PPM1L: variants seen among roughly 807,000 people sequenced by gnomAD.
PPM1L encodes protein phosphatase 1L.
PPM1L carries 13 observed loss-of-function variants against 31.4 expected under a neutral mutation model. The observed-to-expected ratio is 0.41, with a 90% CI of 0.27 to 0.66. The LOEUF (loss-of-function observed/expected upper bound fraction) is 0.66, where lower values mean the gene tolerates loss of function less well. Among genes scored for constraint, PPM1L ranks in the 30% least tolerant of loss-of-function variants. The probability of loss-of-function intolerance (pLI) is 0.29; values close to 1 mark genes in which losing one functional copy is unlikely to be tolerated. For missense variants in PPM1L, 326 were observed against 453.7 expected (o/e 0.72, Z 2.56); for synonymous variants, 184 against 175.4 (o/e 1.05, Z -0.39).
intron 1 of PPM1L, among the ~76,000 whole-genome samples, chr3:160,955,631 G>A (rs1182442435): frequency 6.7e-6 from 1 of 149,766 alleles, no homozygotes; most frequent in Non-Finnish European, 1.5e-5. Context: ...CAATAAATTA[G>A]AATTGGCTGG....
At chr3:160,826,678 G>C (rs1185675495) in intron 1 of PPM1L, among the ~76,000 whole-genome samples, 3 of 151,956 alleles carry the variant, frequency 2.0e-5, no homozygotes, top group African/African-American at 7.2e-5. Flanking sequence ...ACCACTGTCT[G>C]GTTTTTCTTA....
intron 1 of PPM1L, among the ~76,000 whole-genome samples, chr3:160,841,171 CT>C (rs958449433): frequency 3.8e-4 from 55 of 145,896 alleles, no homozygotes; most frequent in South Asian, 1.1e-3. Context: ...GAGTCCAAGA[CT>C]TTTTTTTTTT....
chr3:160,897,384 G>C (rs553582703), intron 1 of PPM1L, among the ~76,000 whole-genome samples: 2 of 152,202 alleles, frequency 1.3e-5, no homozygotes, highest in South Asian at 4.2e-4. Context: ...TGATGACATT[G>C]CTCCTGATGT....
chr3:160,965,877 A>G (rs1716126031), intron 2 of PPM1L, among the ~76,000 whole-genome samples: 1 of 152,118 alleles, frequency 6.6e-6, no homozygotes, highest in East Asian at 1.9e-4. Context: ...CTTAATGACA[A>G]TTACTGCTAT....
At chr3:160,997,543 TTAAG>T (rs546021989) in intron 2 of PPM1L, among the ~76,000 whole-genome samples, 350 of 152,288 alleles carry the variant, frequency 2.3e-3, no homozygotes, top group African/African-American at 8.3e-3. Context: ...GTATAGTTAT[TTAAG>T]TATGTCATAA....
At chr3:160,997,532 G>T (rs779728572) in intron 2 of PPM1L, among the ~76,000 whole-genome samples, 4 of 152,106 alleles carry the variant, frequency 2.6e-5, no homozygotes, top group Admixed American at 2.0e-4. Context: ...ACGAGACTCA[G>T]GTATAGTTAT....
chr3:161,072,366 A>G lies in PPM1L; in HGVS notation c.*3209A>G, dbSNP rs188055486. On this transcript the variant is annotated 3_prime_UTR_variant, in exon 4 of 4. Transcript: ENST00000498165. ...TTTATTCCTTGCTGTGGACTGAGGT[A>G]TTGGCTTCTTGAATCTTGTATATGT... 6.6e-6 allele frequency: 1 copy of G among 152,222 alleles called. No homozygotes were observed. The highest frequency in any genetic ancestry group is 2.1e-4 in the South Asian group (1 of 4,832). The allele number at this position is 152,222 out of a possible 1,614,324, so 9.4% of individuals were successfully genotyped here. A position where few individuals can be genotyped will look rare whatever the true frequency, so the allele number is the denominator to read the frequency against.
At chr3:160,807,815 T>C (rs1262745950) in intron 1 of PPM1L, among the ~76,000 whole-genome samples, 1 of 152,176 alleles carries the variant, frequency 6.6e-6, no homozygotes, top group Admixed American at 6.5e-5. Context: ...GGCACTTTTT[T>C]TTTTTTTTGT....
At chr3:161,009,749 T>C (rs1046386009) in intron 2 of PPM1L, among the ~76,000 whole-genome samples, 33 of 152,112 alleles carry the variant, frequency 2.2e-4, no homozygotes, top group African/African-American at 7.7e-4. Context: ...TCTATTTAAC[T>C]AGGAAGTGAT....
At chr3:160,843,129 C>T (rs936870140) in intron 1 of PPM1L, among the ~76,000 whole-genome samples, 4 of 151,836 alleles carry the variant, frequency 2.6e-5, no homozygotes, top group Admixed American at 6.6e-5. Context: ...CTCCTCCTAT[C>T]CTGTATCTCA....
At chr3:160,962,381 T>C (rs1715997745) in intron 2 of PPM1L, among the ~76,000 whole-genome samples, 1 of 152,154 alleles carries the variant, frequency 6.6e-6, no homozygotes, top group Non-Finnish European at 1.5e-5. Flanking sequence ...CTGCCTGCCA[T>C]AGGTTCTTCC....
chr3:160,951,110 T>G (rs878954), intron 1 of PPM1L, among the ~76,000 whole-genome samples: 1 of 151,902 alleles, frequency 6.6e-6, no homozygotes, highest in Non-Finnish European at 1.5e-5. Flanking sequence ...AGGAACTCAC[T>G]CATAACAAAA....
At chr3:160,966,069 C>T (rs1716134095) in intron 2 of PPM1L, among the ~76,000 whole-genome samples, 1 of 151,892 alleles carries the variant, frequency 6.6e-6, no homozygotes, top group Non-Finnish European at 1.5e-5. Flanking sequence ...TATCTAGCAA[C>T]CTGGAATTCA....
At chr3:160,841,286 C>T (rs1713872238) in intron 1 of PPM1L, among the ~76,000 whole-genome samples, 1 of 151,652 alleles carries the variant, frequency 6.6e-6, no homozygotes, top group Non-Finnish European at 1.5e-5. Flanking sequence ...GCTGTGTTCT[C>T]ACAGATAGGA....
At chr3:160,975,579 G>C (rs1385641347) in intron 2 of PPM1L, among the ~76,000 whole-genome samples, 4 of 151,586 alleles carry the variant, frequency 2.6e-5, no homozygotes, top group Non-Finnish European at 5.9e-5. Flanking sequence ...TCCTTGAAGA[G>C]GTCCTTCACA....
chr3:161,045,630 A>C (rs990856562), intron 2 of PPM1L, among the ~76,000 whole-genome samples: 1 of 152,224 alleles, frequency 6.6e-6, no homozygotes, highest in African/African-American at 2.4e-5. Context: ...CAGTGTGTAG[A>C]GGGAAATTTA....
chr3:160,931,452 C>T (rs1442047851), intron 1 of PPM1L, among the ~76,000 whole-genome samples: 2 of 152,218 alleles, frequency 1.3e-5, no homozygotes, highest in African/African-American at 4.8e-5. Context: ...TTCCAAGGCA[C>T]TATGCTAGCC....
chr3:160,931,306 C>T (rs1210412821), intron 1 of PPM1L, among the ~76,000 whole-genome samples: 1 of 152,222 alleles, frequency 6.6e-6, no homozygotes, highest in Non-Finnish European at 1.5e-5. Flanking sequence ...AAAGTACTTT[C>T]TCCACTCAAA....
chr3:160,884,396 T>C (rs1376543822), intron 1 of PPM1L, among the ~76,000 whole-genome samples: 2 of 151,964 alleles, frequency 1.3e-5, no homozygotes, highest in Non-Finnish European at 2.9e-5. Context: ...AGAGCAAAGG[T>C]ATGGAGATGG....
Sources: allele counts gnomAD v4.1 joint callset (sites outside exome capture counted in the v4.1 genomes callset), GRCh38; gene constraint gnomAD v4.1.1; transcripts MANE v1.5; gene names NCBI Gene and HGNC (gene_info 2026-07-23, HGNC 2026-07-21).